The following ICE1 variants were observed in gnomAD, a reference collection of about 807,000 sequenced individuals.
ICE1 encodes the protein interactor of little elongation complex ELL subunit 1.
ICE1 carries 64 observed loss-of-function variants against 192.7 expected under a neutral mutation model. The ratio of observed to expected loss-of-function variants is 0.33; its 90% confidence interval spans 0.27 to 0.41. The LOEUF is 0.41. Ranked by LOEUF, ICE1 falls within the 10% of genes least tolerant of loss-of-function variation. The pLI is 1.00. For missense variants in ICE1, 2,708 were observed against 2,696.0 expected (o/e 1.00, Z -0.10); for synonymous variants, 1,010 against 984.5 (o/e 1.03, Z -0.49).
intron 10 of ICE1, among the ~76,000 whole-genome samples, chr5:5,453,087 A>G (rs1234185677): frequency 6.6e-6 from 1 of 152,142 alleles, no homozygotes; most frequent in African/African-American, 2.4e-5. Flanking sequence ...ATAAGAATGG[A>G]AAAGTAACTT....
intron 6 of ICE1, 118 bp from the exon 7 acceptor site, chr5:5,444,171 G>T: frequency 1.5e-6 from 1 of 675,628 alleles, no homozygotes; most frequent in South Asian, 1.9e-5. Flanking sequence ...TACTAGTTCA[G>T]ACTGAACATT....
At chr5:5,435,654 TG>T (rs1737846033) in intron 1 of ICE1, among the ~76,000 whole-genome samples, 1 of 148,556 alleles carries the variant, frequency 6.7e-6, no homozygotes, top group African/African-American at 2.5e-5. Context: ...GAGCCAAATT[TG>T]TGTTTTTTTT....
intron 17 of ICE1, among the ~76,000 whole-genome samples, chr5:5,483,139 C>G (rs1361485061): frequency 6.6e-6 from 1 of 151,950 alleles, no homozygotes; most frequent in Non-Finnish European, 1.5e-5. Context: ...TACAGGCATG[C>G]GCCACCATGC....
Position 5,457,623 on chromosome 5 carries a change from A to G in ICE1, c.983A>G (p.Glu328Gly). 2 of 1,613,888 alleles carry G rather than the reference A, an allele frequency of 1.2e-6. No homozygotes were observed. Among genetic ancestry groups the G allele is most frequent in the Non-Finnish European group, 1.7e-6 (2 of 1,179,860 alleles). ...EFVDHDHFFD[E>G]DLQAAIDFFK... ...GTTGATCATGATCATTTTTTTGATG[A>G]AGATCTTCAAGCTGCAATTGACTTC... is the stretch of plus-strand genomic sequence containing the variant. The change falls in exon 12 of 19, where the codon GAA becomes GGA. Residue 328 changes from glutamate to glycine, a missense_variant. By Grantham distance (98) the Glu-to-Gly change is moderately conservative. Transcript: ENST00000296564.
intron 15 of ICE1, among the ~76,000 whole-genome samples, chr5:5,469,955 T>C (rs1245719147): frequency 3.3e-5 from 5 of 152,156 alleles, no homozygotes; most frequent in Non-Finnish European, 7.3e-5. Context: ...TCCAGAGGGC[T>C]GCCAGCTTCC....
chr5:5,488,709 T>G (rs1436272990), intron 18 of ICE1, among the ~76,000 whole-genome samples: 2 of 152,218 alleles, frequency 1.3e-5, no homozygotes, highest in African/African-American at 4.8e-5. Flanking sequence ...TCTTATTATG[T>G]TTTCTCATTT....
rs746589747 is a variant in ICE1 at position 5,461,176 on chromosome 5, C to G, written c.1842C>G (p.Asp614Glu). 6.2e-7 allele frequency: 1 copy of G among 1,613,870 alleles called. No homozygotes were observed. Among genetic ancestry groups the G allele is most frequent in the East Asian group, 2.2e-5 (1 of 44,892 alleles). The part of the protein sequence containing the change: ...LGESPESEDD[D>E]SGDGMDVAGL... ...AATCACCTGAATCAGAAGATGATGA[C>G]TCAGGTGATGGAATGGATGTAGCAG... Residue 614 changes from aspartate (D) to glutamate (E), a missense_variant, in exon 13 of 19, where the codon GAC (aspartate) becomes GAG (glutamate). Physicochemically the swap from Asp to Glu is conservative, Grantham distance 45. Coordinates refer to ENST00000296564, the MANE Select transcript of ICE1 (RefSeq NM_015325.3).
chr5:5,442,038 C>T (rs893252255), intron 5 of ICE1, among the ~76,000 whole-genome samples: 3 of 152,166 alleles, frequency 2.0e-5, no homozygotes, highest in African/African-American at 4.8e-5. Context: ...TATGAAAATA[C>T]GTATGTCTTT....
intron 15 of ICE1, among the ~76,000 whole-genome samples, chr5:5,470,009 T>TA (rs2111393097): frequency 6.6e-6 from 1 of 152,246 alleles, no homozygotes; most frequent in East Asian, 1.9e-4. Flanking sequence ...TCCAGAGACT[T>TA]ACCTGCTTTG....
At chr5:5,450,936 G>A (rs904011718) in intron 10 of ICE1, among the ~76,000 whole-genome samples, 5 of 152,146 alleles carry the variant, frequency 3.3e-5, no homozygotes, top group Non-Finnish European at 5.9e-5. Context: ...GCAGACAAGG[G>A]ATGGAATTGG....
chr5:5,459,513 G>C (rs1224899659), intron 12 of ICE1, among the ~76,000 whole-genome samples: 2 of 152,178 alleles, frequency 1.3e-5, no homozygotes, highest in Admixed American at 1.3e-4. Flanking sequence ...GTAAGAGTAT[G>C]GAAGAGGAGA....
At chr5:5,474,577 T>C (rs1260983625) in intron 16 of ICE1, among the ~76,000 whole-genome samples, 1 of 152,240 alleles carries the variant, frequency 6.6e-6, no homozygotes, top group Non-Finnish European at 1.5e-5. Flanking sequence ...TGTAGTAAAT[T>C]AACTTTTCTC....
intron 17 of ICE1, among the ~76,000 whole-genome samples, chr5:5,482,008 CTG>C (rs1362777507): frequency 2.0e-5 from 3 of 152,174 alleles, no homozygotes; most frequent in Non-Finnish European, 4.4e-5. Context: ...CGACCTGTGA[CTG>C]TACTTTACCT....
chr5:5,479,546 G>C (rs1259003147), intron 17 of ICE1, among the ~76,000 whole-genome samples: 1 of 152,136 alleles, frequency 6.6e-6, no homozygotes, highest in African/African-American at 2.4e-5. Flanking sequence ...GATTCTCAAG[G>C]ATCTAGAAAC....
intron 3 of ICE1, among the ~76,000 whole-genome samples, chr5:5,438,852 C>G (rs992055271): frequency 6.6e-6 from 1 of 152,192 alleles, no homozygotes; most frequent in Non-Finnish European, 1.5e-5. Flanking sequence ...TTGTCAGCTA[C>G]AGATAGATAC....
Position 5,465,054 on chromosome 5 carries a change from CTG to C in ICE1, c.5723_5724del (p.Val1908GlyfsTer4). On this transcript the variant is annotated frameshift_variant, in exon 13 of 19. Transcript: ENST00000296564. LOFTEE classifies it high-confidence loss of function. ...CAGTTGCCTTTAAGCCCAAAAGAAACTGTGGAGTCCCATGATAAAGCCATAGC... is the reference window on the plus strand; with the variant it reads ...CAGTTGCCTTTAAGCCCAAAAGAAACTGGAGTCCCATGATAAAGCCATAGC... The C allele has an allele frequency of 5.0e-6, 8 of 1,613,958 alleles. No homozygotes were observed. Among genetic ancestry groups the C allele is most frequent in the South Asian group, 1.1e-5 (1 of 91,056 alleles).
chr5:5,428,748 G>C (rs1234217705), intron 1 of ICE1, among the ~76,000 whole-genome samples: 1 of 151,698 alleles, frequency 6.6e-6, no homozygotes, highest in Admixed American at 6.6e-5. Flanking sequence ...GTGGCTTTTT[G>C]CTTTCTTACT....
At chr5:5,482,046 T>C (rs1739517671) in intron 17 of ICE1, among the ~76,000 whole-genome samples, 1 of 152,204 alleles carries the variant, frequency 6.6e-6, no homozygotes, top group South Asian at 2.1e-4. Context: ...CAAAACTCTT[T>C]TAAAGAAAAC....
intron 17 of ICE1, among the ~76,000 whole-genome samples, chr5:5,478,250 G>A (rs75473650): frequency 0.063 from 9,592 of 152,242 alleles, 581 homozygotes; most frequent in East Asian, 0.29. Flanking sequence ...CTGATAAGCA[G>A]CTTCAGCAAA....
Sources: allele counts gnomAD v4.1 joint callset (sites outside exome capture counted in the v4.1 genomes callset), GRCh38; gene constraint gnomAD v4.1.1; transcripts MANE v1.5; gene names NCBI Gene and HGNC (gene_info 2026-07-23, HGNC 2026-07-21).